WSB2: variants seen among roughly 807,000 people sequenced by gnomAD.
WSB2 encodes WD repeat and SOCS box-containing protein 2.
WSB2 carries 12 observed loss-of-function variants against 48.8 expected under a neutral mutation model. That is an observed-to-expected ratio of 0.25 (90% CI 0.16 to 0.40). WSB2 has a LOEUF of 0.40. Among genes scored for constraint, WSB2 ranks in the 10% least tolerant of loss-of-function variants. The pLI is 1.00. For missense variants in WSB2, 317 were observed against 506.2 expected, an observed-to-expected ratio of 0.63 and a Z score of 3.59; for synonymous variants, 191 against 203.1, an observed-to-expected ratio of 0.94 and a Z score of 0.51.
intron 1 of WSB2, among the ~76,000 whole-genome samples, chr12:118,055,699 C>T (rs1297178147): frequency 3.4e-5 from 5 of 146,636 alleles, no homozygotes; most frequent in East Asian, 2.0e-4. Context: ...ACTGCAACCT[C>T]GGCCTCCTGG....
chr12:118,053,461 G>A (rs190979761), intron 1 of WSB2, among the ~76,000 whole-genome samples: 3 of 152,178 alleles, frequency 2.0e-5, no homozygotes, highest in East Asian at 1.9e-4. Flanking sequence ...GAAATAAGTC[G>A]CACCTTGTTT....
upstream of WSB2, among the ~76,000 whole-genome samples, chr12:118,061,883 G>A (rs1473546770): frequency 6.7e-6 from 1 of 150,370 alleles, no homozygotes; most frequent in Non-Finnish European, 1.5e-5. Context: ...GTAATAACCG[G>A]GTGCTGGGGA....
chr12:118,037,725 T>C (rs1016390953), intron 5 of WSB2: 2 of 148,628 alleles, frequency 1.3e-5, no homozygotes, highest in African/African-American at 4.9e-5. Context: ...CAAAAATAAA[T>C]GATGAACCAC....
At position 118,034,375 on chromosome 12, in the gene WSB2, AC is replaced by A; in HGVS notation, c.1053-18del. The A allele has an allele frequency of 1.2e-6, 2 of 1,612,390 alleles. No individual in the cohort carries two copies. Among genetic ancestry groups the A allele is most frequent in the South Asian group, 1.1e-5 (1 of 90,968 alleles). On this transcript the variant is annotated intron_variant, in intron 8 of 8. Transcript: ENST00000315436. ...TCTCTTGTCCTAAAATGAAACAGAA[AC>A]CGATGCTAAGACAGAGCTTGGATGT... is the stretch of plus-strand genomic sequence containing the variant.
In WSB2 at chr12:118,036,514, TG is replaced by T. The variant is rs2031514857; in HGVS notation, c.661-5del. The T allele has an allele frequency of 6.2e-7, 1 of 1,607,338 alleles. No homozygotes were observed. Among genetic ancestry groups the T allele is most frequent in the East Asian group, 2.2e-5 (1 of 44,684 alleles). On this transcript the variant is annotated splice_polypyrimidine_tract_variant and splice_region_variant and intron_variant, in intron 5 of 8. Coordinates refer to ENST00000315436, the MANE Select transcript of WSB2 (RefSeq NM_018639.5). Reference sequence around the variant, plus strand: ...ACCTCATGCTCCATAGAAAGACCTGTGGAAAGTAAGAAGTGCCTGGTTAGGG... The same window carrying T: ...ACCTCATGCTCCATAGAAAGACCTGTGAAAGTAAGAAGTGCCTGGTTAGGG...
intron 1 of WSB2, among the ~76,000 whole-genome samples, chr12:118,058,439 C>T (rs917261374): frequency 2.0e-5 from 3 of 151,388 alleles, no homozygotes; most frequent in Non-Finnish European, 4.4e-5. Context: ...CCTCGACCTC[C>T]CCAGGCTCAG....
At position 118,060,565 on chromosome 12, in the gene WSB2, C is replaced by G. The variant is rs1296970229; in HGVS notation, c.13+471G>C. Among the ~76,000 whole-genome samples the G allele has an allele frequency of 6.6e-6, 1 of 152,140 alleles. No homozygotes were observed. On this transcript the variant is annotated intron_variant, in intron 1 of 8. Transcript: ENST00000315436. The surrounding 1 kb of genome is among the most constrained non-coding windows in gnomAD (Gnocchi z 4.1). ...CCCATTTTGCAGATCAAAACTGAGA[C>G]GTGGGTGGCGGTGGTTCAGTGGCTT...
chr12:118,035,481 A>G (rs1040082753), intron 6 of WSB2, among the ~76,000 whole-genome samples, 157 bp from the exon 7 acceptor site: 6 of 152,074 alleles, frequency 3.9e-5, no homozygotes, highest in East Asian at 1.9e-4. Context: ...GCACACTGGG[A>G]AAAAAAAGGG....
At position 118,057,086 on chromosome 12, in the gene WSB2, G is replaced by A. The variant is rs568233717; in HGVS notation, c.13+3950C>T. ...GAGCTAAAAGAAGAACAAACCCAGT[G>A]ACTCCTGTCTCTTGGAGTCTGGGCC... is the stretch of plus-strand genomic sequence containing the variant. On this transcript the variant is annotated intron_variant, in intron 1 of 8. Coordinates refer to ENST00000315436, the MANE Select transcript of WSB2 (RefSeq NM_018639.5). Among the ~76,000 whole-genome samples the A allele has an allele frequency of 3.8e-3, 573 of 152,204 alleles. 3 individuals carry two copies. Among genetic ancestry groups the A allele is most frequent in the African/African-American group, 0.013 (541 of 41,514 alleles).
At chr12:118,048,224 C>T (rs958226893) in intron 2 of WSB2, among the ~76,000 whole-genome samples, 25 of 152,016 alleles carry the variant, frequency 1.6e-4, no homozygotes, top group Non-Finnish European at 3.2e-4. Flanking sequence ...CCACCGCACC[C>T]GGCCATATAG....
chr12:118,039,019 C>T (rs2031572422), intron 4 of WSB2, among the ~76,000 whole-genome samples: 1 of 152,146 alleles, frequency 6.6e-6, no homozygotes, highest in Admixed American at 6.5e-5. Flanking sequence ...TCTTTTTAGG[C>T]TCCCCAACCA....
chr12:118,051,032 A>G (rs2031842259), intron 2 of WSB2, among the ~76,000 whole-genome samples: 1 of 152,050 alleles, frequency 6.6e-6, no homozygotes, highest in South Asian at 2.1e-4. Flanking sequence ...AGCCTGAACA[A>G]CAGAGTGAGA....
At chr12:118,039,416 C>T (rs189974491) in intron 4 of WSB2, among the ~76,000 whole-genome samples, 13 of 152,016 alleles carry the variant, frequency 8.6e-5, no homozygotes, top group South Asian at 2.1e-4. Flanking sequence ...ATGAAAAATG[C>T]GAGATGCAGG....
intron 2 of WSB2, 29 bp downstream of exon 2, chr12:118,052,281 G>T: frequency 6.2e-7 from 1 of 1,606,070 alleles, no homozygotes; most frequent in East Asian, 2.2e-5. Context: ...GAAATGCGCC[G>T]GATGGGGCCC....
intron 2 of WSB2, among the ~76,000 whole-genome samples, chr12:118,044,841 G>A (rs1374817264): frequency 1.3e-5 from 2 of 152,188 alleles, no homozygotes; most frequent in Admixed American, 1.3e-4. Context: ...ACTCTGGTTG[G>A]TTAAACTGGC....
intron 2 of WSB2, among the ~76,000 whole-genome samples, chr12:118,052,094 A>C (rs538504475): frequency 4.6e-5 from 7 of 152,330 alleles, no homozygotes; most frequent in African/African-American, 1.7e-4. Flanking sequence ...ATTACATCTC[A>C]ATAAAGCTAT....
intron 2 of WSB2, among the ~76,000 whole-genome samples, chr12:118,048,392 G>A (rs1169568995): frequency 6.6e-6 from 1 of 151,900 alleles, no homozygotes; most frequent in Non-Finnish European, 1.5e-5. Context: ...GTCAAAGACT[G>A]GCCTGGGCAA....
chr12:118,061,290 A>G (rs1290653087), upstream of WSB2: 5 of 740,034 alleles, frequency 6.8e-6, no homozygotes, highest in Non-Finnish European at 8.2e-6. Flanking sequence ...GAGGGAAAAG[A>G]TGGAAAATCG....
chr12:118,044,797 C>CA (rs1197411020), intron 2 of WSB2, among the ~76,000 whole-genome samples: 1 of 152,128 alleles, frequency 6.6e-6, no homozygotes, highest in African/African-American at 2.4e-5. Context: ...GTTTGCGGTA[C>CA]ACAGCACAAA....
Sources: gnomAD v4.1 joint callset for allele counts (sites outside exome capture counted in the v4.1 genomes callset) on GRCh38, gnomAD v4.1.1 for gene constraint, Gnocchi (gnomAD v3.1) non-coding constraint, MANE v1.5 for transcripts, NCBI Gene and HGNC (gene_info 2026-07-23, HGNC 2026-07-21) for gene names.